FBXO4: variants seen among roughly 807,000 people sequenced by gnomAD.
FBXO4 encodes F-box only protein 4.
In FBXO4, 36 loss-of-function variants were observed where a neutral mutation model predicts 43.7. The ratio of observed to expected loss-of-function variants is 0.82; its 90% CI spans 0.63 to 1.09. FBXO4 has a LOEUF of 1.09. Ranked by LOEUF, FBXO4 falls within the 50% of genes least tolerant of loss-of-function variation. FBXO4 has a pLI of 0.00. For synonymous variants in FBXO4, 180 were observed against 165.6 expected (o/e 1.09, Z -0.67); for missense variants, 435 against 474.1 (o/e 0.92, Z 0.77).
chr5:42,036,703 C>T, the FBXO4 span, among the ~76,000 whole-genome samples: 1 of 151,912 alleles, frequency 6.6e-6, no homozygotes, highest in Non-Finnish European at 1.5e-5. Flanking sequence ...GGATAAGTGG[C>T]GAGATGCTGG....
chr5:41,967,896 G>C, the FBXO4 span: 1 of 565,838 alleles, frequency 1.8e-6, no homozygotes, highest in Non-Finnish European at 3.6e-6. Flanking sequence ...TTATCTCACT[G>C]TTGATTCCCA....
intron 5 of FBXO4, chr5:41,939,192 C>T (rs1048829239): frequency 2.1e-5 from 7 of 329,924 alleles, no homozygotes; most frequent in Non-Finnish European, 3.9e-5. Context: ...TATATGCCTA[C>T]ATTTTGAAAG....
At chr5:42,008,393 GCTC>G in the FBXO4 span, among the ~76,000 whole-genome samples, 1 of 152,240 alleles carries the variant, frequency 6.6e-6, no homozygotes, top group East Asian at 1.9e-4. Context: ...TGTGACCAGA[GCTC>G]CTAAGGGTAA....
At chr5:41,986,662 T>C in the FBXO4 span, among the ~76,000 whole-genome samples, 1 of 152,144 alleles carries the variant, frequency 6.6e-6, no homozygotes, top group Admixed American at 6.5e-5. Flanking sequence ...TTTTGAACTT[T>C]GTTCTTTCAC....
At chr5:41,961,618 G>A in the FBXO4 span, among the ~76,000 whole-genome samples, 1 of 152,162 alleles carries the variant, frequency 6.6e-6, no homozygotes, top group Non-Finnish European at 1.5e-5. Context: ...TGAAGTCAAG[G>A]TAGAGACAAG....
At chr5:41,953,074 C>A in the FBXO4 span, among the ~76,000 whole-genome samples, 1 of 151,796 alleles carries the variant, frequency 6.6e-6, no homozygotes, top group African/African-American at 2.4e-5. Flanking sequence ...TATACATGTG[C>A]CATGCTGGTG....
At chr5:41,931,143 C>T (rs948586912) in intron 3 of FBXO4, among the ~76,000 whole-genome samples, 1 of 152,176 alleles carries the variant, frequency 6.6e-6, no homozygotes, top group Non-Finnish European at 1.5e-5. Flanking sequence ...AAAGATTACT[C>T]AGGCTCTTGA....
the FBXO4 span, among the ~76,000 whole-genome samples, chr5:42,035,368 G>A: frequency 6.6e-6 from 1 of 152,084 alleles, no homozygotes; most frequent in African/African-American, 2.4e-5. Flanking sequence ...TGTTGTATAG[G>A]AGTGGTGAGA....
At chr5:41,927,689 A>G (rs777344399) in intron 2 of FBXO4, among the ~76,000 whole-genome samples, 2 of 152,236 alleles carry the variant, frequency 1.3e-5, no homozygotes, top group Non-Finnish European at 2.9e-5. Context: ...AATATTGCGT[A>G]GGTGAGATAA....
At chr5:41,969,684 T>A in the FBXO4 span, among the ~76,000 whole-genome samples, 6 of 152,280 alleles carry the variant, frequency 3.9e-5, no homozygotes, top group South Asian at 1.0e-3. Flanking sequence ...GTATTTAGGA[T>A]AAATGGTGAG....
chr5:41,970,365 T>C, the FBXO4 span, among the ~76,000 whole-genome samples: 3 of 152,146 alleles, frequency 2.0e-5, no homozygotes, highest in African/African-American at 7.2e-5. Flanking sequence ...AGAATTCCAT[T>C]TATTATATCT....
At chr5:41,977,995 A>C in the FBXO4 span, among the ~76,000 whole-genome samples, 1 of 152,182 alleles carries the variant, frequency 6.6e-6, no homozygotes, top group Non-Finnish European at 1.5e-5. Context: ...ATTTATAAAG[A>C]AAACAGGCTT....
the FBXO4 span, among the ~76,000 whole-genome samples, chr5:42,026,272 G>C: frequency 6.6e-6 from 1 of 151,552 alleles, no homozygotes; most frequent in Non-Finnish European, 1.5e-5. Context: ...TTAATTCCTA[G>C]GTGATTAACT....
At chr5:41,929,310 A>G (rs1159600635) in intron 2 of FBXO4, among the ~76,000 whole-genome samples, 2 of 152,218 alleles carry the variant, frequency 1.3e-5, no homozygotes, top group East Asian at 3.8e-4. Context: ...TTGTGACAAT[A>G]AACTTGTTGT....
At chr5:41,960,001 T>C in the FBXO4 span, among the ~76,000 whole-genome samples, 1 of 152,030 alleles carries the variant, frequency 6.6e-6, no homozygotes, top group African/African-American at 2.4e-5. Context: ...ACATGGGATA[T>C]CTTTTTATTT....
At chr5:41,990,768 A>G in the FBXO4 span, among the ~76,000 whole-genome samples, 2 of 152,210 alleles carry the variant, frequency 1.3e-5, no homozygotes, top group South Asian at 4.1e-4. Context: ...AAAAAAATGT[A>G]TTAATGGCCA....
chr5:42,003,922 G>A, the FBXO4 span, among the ~76,000 whole-genome samples: 15 of 152,056 alleles, frequency 9.9e-5, no homozygotes, highest in Non-Finnish European at 2.1e-4. Context: ...AGACACATGT[G>A]CACGTATATT....
the FBXO4 span, among the ~76,000 whole-genome samples, chr5:42,010,725 C>T: frequency 6.6e-6 from 1 of 152,038 alleles, no homozygotes; most frequent in African/African-American, 2.4e-5. Context: ...AGTAAAAGTG[C>T]TGCACTTTAT....
chr5:41,928,758 G>A (rs979483728), intron 2 of FBXO4: 6 of 152,374 alleles, frequency 3.9e-5, no homozygotes, highest in African/African-American at 1.2e-4. Flanking sequence ...AAGTTGTTTT[G>A]TGTTTGTTTT....
Sources: gnomAD v4.1 joint callset for allele counts (sites outside exome capture counted in the v4.1 genomes callset) on GRCh38, gnomAD v4.1.1 for gene constraint, MANE v1.5 for transcripts, NCBI Gene and HGNC (gene_info 2026-07-23, HGNC 2026-07-21) for gene names.